The following BUB1B variants were observed in gnomAD, a reference collection of about 807,000 sequenced individuals.
BUB1B encodes the protein BUB1 mitotic checkpoint serine/threonine kinase B.
BUB1B carries 86 observed loss-of-function variants against 137.7 expected under a neutral mutation model. The ratio of observed to expected loss-of-function variants is 0.62; its 90% CI spans 0.52 to 0.75. The LOEUF (loss-of-function observed/expected upper bound fraction) is 0.75, where lower values mean the gene tolerates loss of function less well. BUB1B is among the 30% of genes least tolerant of loss of function. BUB1B has a pLI of 0.00. For synonymous variants in BUB1B, 420 were observed against 417.9 expected, an observed-to-expected ratio of 1.00 and a Z score of -0.06; for missense variants, 1,130 against 1,236.9, an observed-to-expected ratio of 0.91 and a Z score of 1.30.
chr15:40,215,290 A>G (rs1219357647), intron 20 of BUB1B, among the ~76,000 whole-genome samples: 3 of 152,028 alleles, frequency 2.0e-5, no homozygotes, highest in Admixed American at 2.0e-4. Flanking sequence ...CCTGACCAAC[A>G]TGGAGAAACC....
In BUB1B at chr15:40,196,552, T is replaced by A. The variant is rs370655726; in HGVS notation, c.1066T>A (p.Cys356Ser). ...ETARQPVMTP[C>S]KIEPSINHIL... ...GTAATTTTGCTTCTTTAGGACACCA[T>A]GTAAAATTGAACCTAGTATAAACCA... is the stretch of plus-strand genomic sequence containing the variant. Residue 356 changes from cysteine to serine, a missense_variant, in exon 9 of 23, where the codon TGT becomes AGT. Physicochemically the swap from Cys to Ser is moderately radical, Grantham distance 112. Coordinates refer to ENST00000287598, the MANE Select transcript of BUB1B (RefSeq NM_001211.6). The A allele has an allele frequency of 2.5e-6, 4 of 1,613,314 alleles. No homozygotes were observed. Among genetic ancestry groups the A allele is most frequent in the East Asian group, 2.2e-5 (1 of 44,884 alleles).
intron 14 of BUB1B, among the ~76,000 whole-genome samples, chr15:40,205,104 G>A (rs1289259692): frequency 6.6e-6 from 1 of 151,562 alleles, no homozygotes; most frequent in African/African-American, 2.4e-5. Context: ...CCACCACCAC[G>A]CCCAGCTAAT....
intron 2 of BUB1B, 151 bp from the exon 3 acceptor site, chr15:40,169,911 C>T (rs981393878): frequency 6.8e-6 from 5 of 736,546 alleles, no homozygotes; most frequent in Admixed American, 6.4e-5. Context: ...CCATGCCTGG[C>T]CTTTTTCTAT....
chr15:40,170,239 G>A (rs138390503), intron 3 of BUB1B, 118 bp downstream of exon 3: 3 of 977,072 alleles, frequency 3.1e-6, no homozygotes, highest in African/African-American at 1.6e-5. Context: ...TGTCCTGGGG[G>A]CACAGAGATC....
intron 12 of BUB1B, among the ~76,000 whole-genome samples, chr15:40,201,966 G>T (rs906344713): frequency 6.6e-6 from 1 of 152,064 alleles, no homozygotes; most frequent in African/African-American, 2.4e-5. Context: ...ACCACACCCG[G>T]CCAAAACATT....
At chr15:40,183,637 A>C (rs888210381) in intron 5 of BUB1B, 77 bp from the exon 6 acceptor site, 1 of 1,375,372 alleles carries the variant, frequency 7.3e-7, no homozygotes, top group African/African-American at 1.4e-5. Context: ...TAATTTGTTT[A>C]CTTTAACAAA....
Position 40,206,321 on chromosome 15 carries a change from G to GATA in BUB1B, c.1875_1877dup (p.Ile625dup). ...GTTTTGTATCCACTCCTTTTCATGA[G>GATA]ATAATGTCCTTGAAGGATCTCCCTT... On this transcript the variant is annotated inframe_insertion, in exon 15 of 23. Transcript: ENST00000287598. 6.2e-7 allele frequency: 1 copy of GATA among 1,614,166 alleles called. No individual in the cohort carries two copies. Among genetic ancestry groups the GATA allele is most frequent in the Non-Finnish European group, 8.5e-7 (1 of 1,180,032 alleles).
intron 1 of BUB1B, 141 bp from the exon 2 acceptor site, chr15:40,164,912 A>C: frequency 1.1e-6 from 1 of 879,556 alleles, no homozygotes; most frequent in Non-Finnish European, 1.7e-6. Flanking sequence ...TTAGGCATAT[A>C]ATAATAATAA....
At chr15:40,185,075 C>A in intron 6 of BUB1B, 90 bp from the exon 7 acceptor site, 1 of 1,091,406 alleles carries the variant, frequency 9.2e-7, no homozygotes, top group Non-Finnish European at 1.4e-6. Flanking sequence ...AAATACTGTC[C>A]TTGAGTTGAG....
rs201578813 is a variant in BUB1B, at chr15:40,179,986, A to ATC, written c.581+3314_581+3315insCT. Among the ~76,000 whole-genome samples the ATC allele has an allele frequency of 6.7e-3, 996 of 148,504 alleles. 13 individuals carry two copies. The highest frequency in any genetic ancestry group is 0.024 in the African/African-American group (932 of 39,438). On this transcript the variant is annotated intron_variant, in intron 5 of 22. Coordinates refer to ENST00000287598, the MANE Select transcript of BUB1B (RefSeq NM_001211.6). ...AAAAGCCATATATATATATATATAT[A>ATC]TATCTCTTAAATAACTTAGGAAAAT... is the stretch of plus-strand genomic sequence containing the variant.
rs2140898528 is a variant in BUB1B, at chr15:40,196,737, T to C, written c.1251T>C (p.Ala417=). The change falls in exon 9 of 23, where the codon GCT becomes GCC. Residue 417 remains alanine (A), a synonymous_variant. Transcript: ENST00000287598. ...AATTCTCCTTTGAAGAAATTCGGGC[T>C]GAAGTTTTCCGGAAGAAATTAAAAG... The part of the protein sequence containing the change: ...VGEFSFEEIR[A]EVFRKKLKEQ... The C allele has an allele frequency of 6.2e-7, 1 of 1,614,094 alleles. No individual in the cohort carries two copies. The highest frequency in any genetic ancestry group is 1.1e-5 in the South Asian group (1 of 91,082).
At chr15:40,206,810 T>C (rs925773667) in intron 15 of BUB1B, among the ~76,000 whole-genome samples, 2 of 152,162 alleles carry the variant, frequency 1.3e-5, no homozygotes, top group Admixed American at 1.3e-4. Flanking sequence ...GTTAATTTTA[T>C]GTATTTATTT....
chr15:40,172,776 C>T (rs983155879), intron 4 of BUB1B, among the ~76,000 whole-genome samples: 2 of 152,164 alleles, frequency 1.3e-5, no homozygotes, highest in East Asian at 3.8e-4. Context: ...TTCCTCAGGA[C>T]ATTCGACAAA....
Position 40,217,501 on chromosome 15 carries a change from A to T in BUB1B, c.2684A>T (p.His895Leu). 6.2e-7 allele frequency: 1 copy of T among 1,614,020 alleles called. No individual in the cohort carries two copies. Among genetic ancestry groups the T allele is most frequent in the Non-Finnish European group, 8.5e-7 (1 of 1,179,978 alleles). Reference protein sequence around the residue: ...PRCLILRNRIHDPYDCNKNNQ... With the variant: ...PRCLILRNRILDPYDCNKNNQ... ...TCTCTTAAATCTGGGCTCAGAATCC[A>T]CGATCCCTATGATTGTAACAAGAAC... The change falls in exon 21 of 23, where the codon CAC becomes CTC. Residue 895 changes from histidine (H) to leucine (L), a missense_variant. Coordinates refer to ENST00000287598, the MANE Select transcript of BUB1B (RefSeq NM_001211.6).
chr15:40,168,018 A>G (rs781628376), intron 2 of BUB1B, among the ~76,000 whole-genome samples: 115 of 152,208 alleles, frequency 7.6e-4, no homozygotes, highest in Middle Eastern at 3.4e-3. Context: ...TGCCTTTGCA[A>G]ACAAAGTTTG....
intron 5 of BUB1B, among the ~76,000 whole-genome samples, chr15:40,181,886 T>C (rs961517252): frequency 6.6e-6 from 1 of 152,248 alleles, no homozygotes; most frequent in Non-Finnish European, 1.5e-5. Context: ...CTTCATCTCA[T>C]GGAACATAGT....
In BUB1B at chr15:40,196,687, GAGA is replaced by G. The variant is rs1566823816; in HGVS notation, c.1205_1207del (p.Lys402del). 1 of 1,614,076 alleles carries G rather than the reference GAGA, an allele frequency of 6.2e-7. No individual in the cohort carries two copies. The highest frequency in any genetic ancestry group is 8.5e-7 in the Non-Finnish European group (1 of 1,179,958). On this transcript the variant is annotated inframe_deletion, in exon 9 of 23. Transcript: ENST00000287598. ...GAAAGAGAAGATGATGTATTGTAAGGAGAAGATTTATGCAGGAGTAGGGGAATT... is the reference window on the plus strand; with the variant it reads ...GAAAGAGAAGATGATGTATTGTAAGGAGATTTATGCAGGAGTAGGGGAATT...
intron 2 of BUB1B, 73 bp downstream of exon 2, chr15:40,165,269 A>G (rs1566814586): frequency 1.3e-6 from 2 of 1,599,080 alleles, no homozygotes; most frequent in Non-Finnish European, 1.7e-6. Flanking sequence ...GTGTGGATCC[A>G]TGAGAGATGG....
chr15:40,167,465 C>T (rs948835179), intron 2 of BUB1B, among the ~76,000 whole-genome samples: 2 of 150,754 alleles, frequency 1.3e-5, no homozygotes, highest in Non-Finnish European at 2.9e-5. Context: ...GCCTCAGCCT[C>T]CTGAGTAGCT....
Sources: allele counts gnomAD v4.1 joint callset (sites outside exome capture counted in the v4.1 genomes callset), GRCh38; gene constraint gnomAD v4.1.1; transcripts MANE v1.5; gene names NCBI Gene and HGNC (gene_info 2026-07-23, HGNC 2026-07-21).